Variants in PRR23A observed in about 807,000 individuals in gnomAD.
PRR23A encodes proline-rich protein 23A.
For synonymous variants in PRR23A, 161 were observed against 170.6 expected (o/e 0.94, Z 0.44); for missense variants, 342 against 372.7 (o/e 0.92, Z 0.68).
chr3:139,005,390 C>T lies in PRR23A; in HGVS notation c.*78G>A. 8.1e-6 allele frequency: 10 copies of T among 1,236,936 alleles called. No homozygotes were observed. Among genetic ancestry groups the T allele is most frequent in the South Asian group, 5.4e-5 (3 of 55,638 alleles). The allele number at this position is 1,236,936 out of a possible 1,614,324, so 76.6% of individuals were successfully genotyped here. A position where few individuals can be genotyped will look rare whatever the true frequency, so the allele number is the denominator to read the frequency against. The stretch of plus-strand genomic sequence containing the variant: ...TGAATGAAGATGCTGCATTTCCGGG[C>T]TGTGGCAAGTCCTCACAGTGAGTCT... On this transcript the variant is annotated 3_prime_UTR_variant, in exon 1 of 1. Transcript: ENST00000383163.
At position 139,005,860 on chromosome 3, in the gene PRR23A, C is replaced by T; in HGVS notation, c.409G>A (p.Val137Ile). 1 of 1,613,904 alleles carries T rather than the reference C, an allele frequency of 6.2e-7. No individual in the cohort carries two copies. The highest frequency in any genetic ancestry group is 8.5e-7 in the Non-Finnish European group (1 of 1,179,920). ...GATGCGCAGAAGACTTCCTGCTCAA[C>T]GACGACGTCCTCCCTGAGAGCGCCC... is the stretch of plus-strand genomic sequence containing the variant. Reference protein sequence around the residue: ...FLGALREDVVVEQEVFCASVP... With the variant: ...FLGALREDVVIEQEVFCASVP... The change falls in exon 1 of 1, where the codon GTT (valine) becomes ATT (isoleucine). Residue 137 changes from valine (V) to isoleucine (I), a missense_variant. Physicochemically the swap from Val to Ile is conservative, Grantham distance 29 (BLOSUM62 3). Transcript: ENST00000383163.
Position 139,005,683 on chromosome 3 carries a change from G to C in PRR23A, c.586C>G (p.Pro196Ala). 6.2e-7 allele frequency: 1 copy of C among 1,613,834 alleles called. No homozygotes were observed. Among genetic ancestry groups the C allele is most frequent in the Non-Finnish European group, 8.5e-7 (1 of 1,179,896 alleles). Residue 196 changes from proline (P) to alanine (A), a missense_variant, in exon 1 of 1, where the codon CCA (proline) becomes GCA (alanine). Transcript: ENST00000383163. Reference sequence around the variant, plus strand: ...TTGGGGGCCAGAGCACAGGGTTCTGGGATGGGGCCCTCCCGGTAGGGGCTG... The same window carrying C: ...TTGGGGGCCAGAGCACAGGGTTCTGCGATGGGGCCCTCCCGGTAGGGGCTG... The part of the protein sequence containing the change: ...MFSPYREGPI[P>A]EPCALAPNPS...
In PRR23A at chr3:139,005,894, G is replaced by A. The variant is rs1936770829; in HGVS notation, c.375C>T (p.Asp125=). Residue 125 remains aspartate (D), a synonymous_variant, in exon 1 of 1, where the codon GAC becomes GAT. Transcript: ENST00000383163. ...QDDSSAGLEV[D]VFLGALREDV... is the part of the protein sequence containing the mutation. ...CCTCCCTGAGAGCGCCCAGGAAAAC[G>A]TCCACTTCCAGCCCAGCAGACGAGT... 1 of 1,613,406 alleles carries A rather than the reference G, an allele frequency of 6.2e-7. No homozygotes were observed. Among genetic ancestry groups the A allele is most frequent in the African/African-American group, 1.3e-5 (1 of 74,912 alleles).
At chr3:139,005,545 TC>T in the PRR23A span, 16 of 1,554,826 alleles carry the variant, frequency 1.0e-5, 1 homozygote, top group South Asian at 1.9e-4. Context: ...GGACCTGGAC[TC>T]CCCACGCGCG....
Position 139,005,842 on chromosome 3 carries a change from A to G in PRR23A, c.427T>C (p.Cys143Arg), listed in dbSNP as rs1936769215. The part of the protein sequence containing the change: ...EDVVVEQEVF[C>R]ASVPEIAAQE... ...GCGGCGATCTCTGGGACAGATGCGC[A>G]GAAGACTTCCTGCTCAACGACGACG... The change falls in exon 1 of 1, where the codon TGC becomes CGC. Residue 143 changes from cysteine (C) to arginine (R), a missense_variant. Transcript: ENST00000383163. 1.9e-6 allele frequency: 3 copies of G among 1,613,968 alleles called. No homozygotes were observed. The East Asian group carries it at 6.7e-5, about 36-fold the overall frequency.
chr3:139,004,024 T>C lies in PRR23A; in HGVS notation c.*1444A>G, dbSNP rs1448642878. Among the ~76,000 whole-genome samples the C allele has an allele frequency of 1.3e-5, 2 of 152,162 alleles. No individual in the cohort carries two copies. Among genetic ancestry groups the C allele is most frequent in the East Asian group, 1.9e-4 (1 of 5,200 alleles). Reference sequence around the variant, plus strand: ...CATAAACATTGCTTATTTATATCTATACATATATATATGTATATGTAGCTT... The same window carrying C: ...CATAAACATTGCTTATTTATATCTACACATATATATATGTATATGTAGCTT... On this transcript the variant is annotated 3_prime_UTR_variant, in exon 1 of 1. Transcript: ENST00000383163.
Position 139,005,263 on chromosome 3 carries a change from C to T in PRR23A, c.*205G>A, listed in dbSNP as rs1338758052. 6.6e-6 allele frequency among the ~76,000 whole-genome samples: 1 copy of T among 152,114 alleles called. No individual in the cohort carries two copies. Among genetic ancestry groups the T allele is most frequent in the East Asian group, 1.9e-4 (1 of 5,176 alleles). On this transcript the variant is annotated 3_prime_UTR_variant, in exon 1 of 1. Coordinates refer to ENST00000383163, the MANE Select transcript of PRR23A (RefSeq NM_001134659.1). Reference sequence around the variant, plus strand: ...GAATCTGCTTTTCTTTTTTCATGTCCTTGCCTGCCACTTACCAAGGAATTC... The same window carrying T: ...GAATCTGCTTTTCTTTTTTCATGTCTTTGCCTGCCACTTACCAAGGAATTC...
Position 139,005,405 on chromosome 3 carries a change from A to C in PRR23A, c.*63T>G, listed in dbSNP as rs1044155125. On this transcript the variant is annotated 3_prime_UTR_variant, in exon 1 of 1. Coordinates refer to ENST00000383163, the MANE Select transcript of PRR23A (RefSeq NM_001134659.1). ...CATTTCCGGGCTGTGGCAAGTCCTC[A>C]CAGTGAGTCTTGGAGGATCCACAAG... 1.5e-6 allele frequency: 2 copies of C among 1,352,602 alleles called. No individual in the cohort carries two copies. Among genetic ancestry groups the C allele is most frequent in the Non-Finnish European group, 2.0e-6 (2 of 1,013,374 alleles). 83.8% of individuals were successfully genotyped at this position (1,352,602 alleles called of 1,614,324 possible).
chr3:139,005,825 C>T lies in PRR23A; in HGVS notation c.444G>A (p.Glu148=), dbSNP rs772435562. The T allele has an allele frequency of 2.4e-4, 386 of 1,613,900 alleles. 1 individual carries two copies. The highest frequency in any genetic ancestry group is 1.3e-4 in the Admixed American group (8 of 60,008). ...CGTAGGCCTCTTCCTGGGCGGCGAT[C>T]TCTGGGACAGATGCGCAGAAGACTT... The part of the protein sequence containing the change: ...EQEVFCASVP[E]IAAQEEAYEE... Residue 148 remains glutamate, a synonymous_variant, in exon 1 of 1, where the codon GAG becomes GAA. Coordinates refer to ENST00000383163, the MANE Select transcript of PRR23A (RefSeq NM_001134659.1).
rs1243073347 is a variant in PRR23A, at chr3:139,004,447, T to C, written c.*1021A>G. Among the ~76,000 whole-genome samples the C allele has an allele frequency of 6.6e-6, 1 of 152,160 alleles. No homozygotes were observed. Among genetic ancestry groups the C allele is most frequent in the African/African-American group, 2.4e-5 (1 of 41,440 alleles). On this transcript the variant is annotated 3_prime_UTR_variant, in exon 1 of 1. Coordinates refer to ENST00000383163, the MANE Select transcript of PRR23A (RefSeq NM_001134659.1). ...ACTTCCTACTTTCCCTCATTAAATA[T>C]TGCTTTCACTAATTTTTAAATTGTT...
rs775326572 is a variant in PRR23A, at chr3:139,005,948, A to C, written c.321T>G (p.Ser107=). The C allele has an allele frequency of 2.9e-5, 46 of 1,614,020 alleles. No individual in the cohort carries two copies. The African/African-American group carries it at 5.6e-4, about 20-fold the overall frequency. ...LILIPEVLLS[S]VDERSGAQDD... The stretch of plus-strand genomic sequence containing the variant: ...CCTGCGCTCCTGAGCGTTCGTCGAC[A>C]GAGCTCAGGAGGACCTCTGGGATCA... Residue 107 remains serine, a synonymous_variant, in exon 1 of 1, where the codon TCT becomes TCG. Coordinates refer to ENST00000383163, the MANE Select transcript of PRR23A (RefSeq NM_001134659.1).
In PRR23A at chr3:139,005,333, C is replaced by G. The variant is rs1243740038; in HGVS notation, c.*135G>C. On this transcript the variant is annotated 3_prime_UTR_variant, in exon 1 of 1. Coordinates refer to ENST00000383163, the MANE Select transcript of PRR23A (RefSeq NM_001134659.1). ...CAGCCAGCCAACCAACCAACCCACC[C>G]AAACAACAGTAATCCAACTGCCCGC... 6 of 846,472 alleles carry G rather than the reference C, an allele frequency of 7.1e-6. No homozygotes were observed. The Admixed American group carries it at 2.1e-4, about 30-fold the overall frequency. 52.4% of individuals were successfully genotyped at this position (846,472 alleles called of 1,614,324 possible). A position where few individuals can be genotyped will look rare whatever the true frequency, so the allele number is the denominator to read the frequency against.
rs564701976 is a variant in PRR23A, at chr3:139,005,050, TA to T, written c.*417del. ...AGAACGGATAGGTGTATGGAAGTGA[TA>T]AAAAAAAAGGGGGGAATTTTAAAGA... is the stretch of plus-strand genomic sequence containing the variant. On this transcript the variant is annotated 3_prime_UTR_variant, in exon 1 of 1. Coordinates refer to ENST00000383163, the MANE Select transcript of PRR23A (RefSeq NM_001134659.1). 3.6e-3 allele frequency among the ~76,000 whole-genome samples: 544 copies of T among 149,348 alleles called. 2 individuals carry two copies. The highest frequency in any genetic ancestry group is 8.4e-3 in the African/African-American group (341 of 40,646).
chr3:139,005,881 C>A lies in PRR23A; in HGVS notation c.388G>T (p.Ala130Ser). Residue 130 changes from alanine (A) to serine (S), a missense_variant, in exon 1 of 1, where the codon GCT becomes TCT. Transcript: ENST00000383163. ...TCAACGACGACGTCCTCCCTGAGAG[C>A]GCCCAGGAAAACGTCCACTTCCAGC... ...AGLEVDVFLGALREDVVVEQE... is the reference protein window; with the variant it reads ...AGLEVDVFLGSLREDVVVEQE... 6.2e-7 allele frequency: 1 copy of A among 1,613,542 alleles called. No homozygotes were observed. The highest frequency in any genetic ancestry group is 8.5e-7 in the Non-Finnish European group (1 of 1,179,748).
At chr3:139,005,944 CGACAGAG>C in the PRR23A span, 1 of 1,613,918 alleles carries the variant, frequency 6.2e-7, no homozygotes, top group Non-Finnish European at 8.5e-7. Flanking sequence ...GAGCGTTCGT[CGACAGAG>C]CTCAGGAGGA....
In PRR23A at chr3:139,004,190, A is replaced by C. The variant is rs1409906091; in HGVS notation, c.*1278T>G. Among the ~76,000 whole-genome samples the C allele has an allele frequency of 6.6e-6, 1 of 152,168 alleles. No individual in the cohort carries two copies. The highest frequency in any genetic ancestry group is 2.4e-5 in the African/African-American group (1 of 41,452). On this transcript the variant is annotated 3_prime_UTR_variant, in exon 1 of 1. Transcript: ENST00000383163. ...TTCCTTTATAGTTAAAAAGACATTA[A>C]GGAAATAATACTAAGAAATAACGAC...
rs754500824 is a variant in PRR23A, at chr3:139,004,084, G to T, written c.*1384C>A. 1.3e-5 allele frequency among the ~76,000 whole-genome samples: 2 copies of T among 152,068 alleles called. No individual in the cohort carries two copies. The highest frequency in any genetic ancestry group is 3.9e-4 in the East Asian group (2 of 5,188). Reference sequence around the variant, plus strand: ...GACTAGAATGATATCCATCAACTTTGTGTCATGATGTGAATCCCCTGGGAA... The same window carrying T: ...GACTAGAATGATATCCATCAACTTTTTGTCATGATGTGAATCCCCTGGGAA... On this transcript the variant is annotated 3_prime_UTR_variant, in exon 1 of 1. Coordinates refer to ENST00000383163, the MANE Select transcript of PRR23A (RefSeq NM_001134659.1).
In PRR23A at chr3:139,005,464, CAGTTCATTCCTGG is replaced by C. The variant is rs1936761020; in HGVS notation, c.792_*3del. 1 of 1,499,122 alleles carries C rather than the reference CAGTTCATTCCTGG, an allele frequency of 6.7e-7. No homozygotes were observed. The highest frequency in any genetic ancestry group is 1.8e-4 in the Middle Eastern group (1 of 5,674). 92.9% of individuals were successfully genotyped at this position (1,499,122 alleles called of 1,614,324 possible). A position where few individuals can be genotyped will look rare whatever the true frequency, so the allele number is the denominator to read the frequency against. ...GCCGGTGGCAAGGGATTGTGGGAAG[CAGTTCATTCCTGG>C]AACAGTCGTCTGCGGGCCTTGCACG... On this transcript the variant is annotated stop_lost and 3_prime_UTR_variant, in exon 1 of 1. Transcript: ENST00000383163.
chr3:139,005,725 A>C lies in PRR23A; in HGVS notation c.544T>G (p.Ser182Ala), dbSNP rs1936765644. ...AAGSAAGLYSSARSMFSPYRE... is the reference protein window; with the variant it reads ...AAGSAAGLYSAARSMFSPYRE... ...TAGGGGCTGAACATACTTCTGGCGG[A>C]GGAGTAGAGCCCAGCGGCTGAGCCG... The change falls in exon 1 of 1, where the codon TCC becomes GCC. Residue 182 changes from serine to alanine, a missense_variant. Ser to Ala is a moderately conservative substitution (Grantham distance 99, BLOSUM62 1). Coordinates refer to ENST00000383163, the MANE Select transcript of PRR23A (RefSeq NM_001134659.1). 6.2e-7 allele frequency: 1 copy of C among 1,613,478 alleles called. No individual in the cohort carries two copies. Among genetic ancestry groups the C allele is most frequent in the African/African-American group, 1.3e-5 (1 of 74,852 alleles).
Sources: allele counts gnomAD v4.1 joint callset (sites outside exome capture counted in the v4.1 genomes callset), GRCh38; gene constraint gnomAD v4.1.1; transcripts MANE v1.5; gene names NCBI Gene and HGNC (gene_info 2026-07-23, HGNC 2026-07-21).